DAPK1: variants seen among roughly 807,000 people sequenced by gnomAD.
The protein encoded by DAPK1 is death-associated protein kinase 1.
A neutral mutation model predicts 144.9 loss-of-function variants in DAPK1; 56 were observed. The observed-to-expected ratio is 0.39, with a 90% CI of 0.31 to 0.48. The LOEUF (loss-of-function observed/expected upper bound fraction) is 0.48. DAPK1 is among the 20% of genes least tolerant of loss of function. DAPK1 has a pLI of 0.95. For missense variants in DAPK1, 1,454 were observed against 1,875.4 expected, an observed-to-expected ratio of 0.78 and a Z score of 4.15; for synonymous variants, 690 against 749.0, an observed-to-expected ratio of 0.92 and a Z score of 1.29.
intron 19 of DAPK1, among the ~76,000 whole-genome samples, chr9:87,674,077 A>G (rs1185178954): frequency 6.6e-6 from 1 of 152,162 alleles, no homozygotes. Flanking sequence ...ATCAGCACCC[A>G]TTTTTACTAT....
intron 2 of DAPK1, among the ~76,000 whole-genome samples, chr9:87,521,472 C>T (rs1001142222): frequency 1.3e-5 from 2 of 152,182 alleles, no homozygotes; most frequent in South Asian, 2.1e-4. Context: ...CATGGGACTC[C>T]AGTTCTTATC....
chr9:87,525,209 G>A (rs930330099), intron 2 of DAPK1: 17 of 867,648 alleles, frequency 2.0e-5, no homozygotes, highest in African/African-American at 6.6e-5. Context: ...AACTTTCTGC[G>A]TCTGTTTTTC....
At chr9:87,551,766 A>C (rs535193506) in intron 2 of DAPK1, among the ~76,000 whole-genome samples, 1 of 152,292 alleles carries the variant, frequency 6.6e-6, no homozygotes, top group African/African-American at 2.4e-5. Context: ...TGATACAGCA[A>C]CATGGAGAAG....
At chr9:87,635,984 T>C (rs955956197) in intron 3 of DAPK1, among the ~76,000 whole-genome samples, 5 of 152,122 alleles carry the variant, frequency 3.3e-5, no homozygotes, top group South Asian at 2.1e-4. Context: ...TCCCACTTTT[T>C]CCCCCCTATA....
At chr9:87,614,144 A>T (rs1829018293) in intron 3 of DAPK1, among the ~76,000 whole-genome samples, 1 of 152,204 alleles carries the variant, frequency 6.6e-6, no homozygotes, top group African/African-American at 2.4e-5. Context: ...TTGCCAGTTC[A>T]GTTGAAAAGT....
intron 17 of DAPK1, among the ~76,000 whole-genome samples, chr9:87,652,100 C>G (rs559904561): frequency 3.4e-5 from 5 of 146,850 alleles, no homozygotes; most frequent in South Asian, 2.3e-4. Flanking sequence ...CTGTGTCCAT[C>G]CCCCCGATCC....
At chr9:87,520,671 C>A (rs1825262661) in intron 2 of DAPK1, among the ~76,000 whole-genome samples, 1 of 152,130 alleles carries the variant, frequency 6.6e-6, no homozygotes, top group Non-Finnish European at 1.5e-5. Context: ...TTCTATACTT[C>A]TTTTAAAAAC....
chr9:87,652,394 C>CA, intron 17 of DAPK1, among the ~76,000 whole-genome samples: 13 of 70,524 alleles, frequency 1.8e-4, no homozygotes, highest in East Asian at 6.6e-4. Context: ...ATTCTGTGTC[C>CA]TCCCACCTGA....
chr9:87,573,827 T>G (rs1827452513), intron 2 of DAPK1, among the ~76,000 whole-genome samples: 1 of 152,222 alleles, frequency 6.6e-6, no homozygotes, highest in Non-Finnish European at 1.5e-5. Context: ...CTTTGATTAT[T>G]TTGAGTTTTG....
At chr9:87,641,280 C>T (rs1318109473) in intron 9 of DAPK1, among the ~76,000 whole-genome samples, 1 of 152,232 alleles carries the variant, frequency 6.6e-6, no homozygotes, top group East Asian at 1.9e-4. Flanking sequence ...TGCTAGGGAA[C>T]AGGGCGCCCT....
At chr9:87,700,831 G>A (rs1224356281) in intron 24 of DAPK1, among the ~76,000 whole-genome samples, 4 of 152,190 alleles carry the variant, frequency 2.6e-5, no homozygotes, top group Non-Finnish European at 5.9e-5. Context: ...AAATTCAAAA[G>A]TGACTTATTG....
At chr9:87,603,145 G>A (rs1828588160) in intron 2 of DAPK1, among the ~76,000 whole-genome samples, 1 of 152,064 alleles carries the variant, frequency 6.6e-6, no homozygotes, top group South Asian at 2.1e-4. Flanking sequence ...TCTGCCTGGT[G>A]GGGACACAAT....
At position 87,706,947 on chromosome 9, in the gene DAPK1, A is replaced by G. The variant is rs36220448; in HGVS notation, c.3876A>G (p.Ser1292=). 20,930 of 1,613,418 alleles carry G rather than the reference A, an allele frequency of 0.013. 167 individuals carry two copies. The highest frequency in any genetic ancestry group is 0.018 in the Middle Eastern group (110 of 6,058). ...GCTTCGGGTGTCACGACGTCTACTCACAGGCCAGCCTCGGCATGGACATCC... is the reference window on the plus strand; with the variant it reads ...GCTTCGGGTGTCACGACGTCTACTCGCAGGCCAGCCTCGGCATGGACATCC... ...IMCFGCHDVY[S]QASLGMDIHA... Residue 1292 remains serine, a synonymous_variant, in exon 26 of 26, where the codon TCA becomes TCG. Transcript: ENST00000408954. The surrounding 1 kb of genome is among the most constrained non-coding windows in gnomAD (Gnocchi z 9.0).
At chr9:87,531,710 A>G (rs1322503915) in intron 2 of DAPK1, among the ~76,000 whole-genome samples, 2 of 152,246 alleles carry the variant, frequency 1.3e-5, no homozygotes, top group Non-Finnish European at 2.9e-5. Flanking sequence ...TCTATTGTAC[A>G]TAGCTTAAAA....
At chr9:87,621,010 T>C (rs1449945510) in intron 3 of DAPK1, among the ~76,000 whole-genome samples, 1 of 152,130 alleles carries the variant, frequency 6.6e-6, no homozygotes, top group Non-Finnish European at 1.5e-5. Flanking sequence ...CTGTTAAGTG[T>C]CTTGTTTCTC....
rs116774388 is a variant in DAPK1, at chr9:87,562,799, A to G, written c.63-42155A>G. ...CAAATAATAGCATGTCAGGTGCCCA[A>G]ATTTGGAAGACAGATTGAAGCAAAA... On this transcript the variant is annotated intron_variant, in intron 2 of 25. Transcript: ENST00000408954. Among the ~76,000 whole-genome samples the G allele has an allele frequency of 3.7e-3, 558 of 152,292 alleles. 3 individuals carry two copies. Among genetic ancestry groups the G allele is most frequent in the Middle Eastern group, 0.014 (4 of 294 alleles).
intron 2 of DAPK1, among the ~76,000 whole-genome samples, chr9:87,510,032 C>G (rs1824771726): frequency 6.6e-6 from 1 of 152,178 alleles, no homozygotes; most frequent in Non-Finnish European, 1.5e-5. Flanking sequence ...AGGGTGTGCC[C>G]CAGGCTCCAT....
chr9:87,565,072 G>A (rs1827066144), intron 2 of DAPK1, among the ~76,000 whole-genome samples: 1 of 152,166 alleles, frequency 6.6e-6, no homozygotes. Context: ...GGCAGGCAGT[G>A]TGCTGTGGAA....
At chr9:87,591,155 C>G (rs1458077498) in intron 2 of DAPK1, among the ~76,000 whole-genome samples, 1 of 152,216 alleles carries the variant, frequency 6.6e-6, no homozygotes, top group Non-Finnish European at 1.5e-5. Context: ...AGCAGAATTG[C>G]CCTGAAGTTT....
Sources: gnomAD v4.1 joint callset for allele counts (sites outside exome capture counted in the v4.1 genomes callset) on GRCh38, gnomAD v4.1.1 for gene constraint, Gnocchi (gnomAD v3.1) non-coding constraint, MANE v1.5 for transcripts, NCBI Gene and HGNC (gene_info 2026-07-23, HGNC 2026-07-21) for gene names.